Variants in NSMCE2 observed in about 807,000 individuals in gnomAD.
NSMCE2 encodes NSE2 SUMO ligase component of SMC5/6 complex.
A neutral mutation model predicts 23.8 loss-of-function variants in NSMCE2; 24 were observed. The ratio of observed to expected loss-of-function variants is 1.01; its 90% CI spans 0.73 to 1.42. The LOEUF (loss-of-function observed/expected upper bound fraction) is 1.42, where lower values mean the gene tolerates loss of function less well. NSMCE2 is among the 40% of genes most tolerant of loss of function. The pLI is 0.00. For missense variants in NSMCE2, 284 were observed against 296.5 expected, an observed-to-expected ratio of 0.96 and a Z score of 0.31; for synonymous variants, 92 against 94.1, an observed-to-expected ratio of 0.98 and a Z score of 0.13.
At chr8:125,269,610 A>T (rs1248051410) in intron 5 of NSMCE2, among the ~76,000 whole-genome samples, 2 of 152,224 alleles carry the variant, frequency 1.3e-5, no homozygotes, top group Non-Finnish European at 2.9e-5. Context: ...CAATGATCAT[A>T]GCTTTCTACA....
intron 5 of NSMCE2, among the ~76,000 whole-genome samples, chr8:125,305,099 C>T (rs977736565): frequency 1.3e-5 from 2 of 152,036 alleles, no homozygotes; most frequent in Admixed American, 1.3e-4. Context: ...TGAAGGATGT[C>T]TTTATGTTTT....
chr8:125,312,904 G>A (rs1563777609), intron 5 of NSMCE2, among the ~76,000 whole-genome samples: 1 of 152,050 alleles, frequency 6.6e-6, no homozygotes, highest in South Asian at 2.1e-4. Context: ...ACCAGCACGG[G>A]GAGAGCACAG....
chr8:125,307,446 A>G (rs1239535556), intron 5 of NSMCE2, among the ~76,000 whole-genome samples: 1 of 152,230 alleles, frequency 6.6e-6, no homozygotes, highest in Admixed American at 6.5e-5. Context: ...GAACTTTTCC[A>G]TCAGTCCTGT....
intron 5 of NSMCE2, among the ~76,000 whole-genome samples, chr8:125,290,719 G>T (rs950563466): frequency 6.6e-5 from 10 of 152,172 alleles, no homozygotes; most frequent in Admixed American, 1.3e-4. Flanking sequence ...AAATATGGTT[G>T]CCATGGCACA....
intron 5 of NSMCE2, among the ~76,000 whole-genome samples, chr8:125,250,343 G>A (rs1826154852): frequency 6.6e-6 from 1 of 151,342 alleles, no homozygotes; most frequent in African/African-American, 2.4e-5. Context: ...TAAAAAAAAA[G>A]CATCCTTTCA....
chr8:125,333,119 G>T (rs533138710), intron 5 of NSMCE2, among the ~76,000 whole-genome samples: 1 of 151,990 alleles, frequency 6.6e-6, no homozygotes, highest in African/African-American at 2.4e-5. Flanking sequence ...CAGACCTGCC[G>T]AATCAGAATC....
chr8:125,134,237 T>C (rs76728380), intron 3 of NSMCE2, among the ~76,000 whole-genome samples: 126 of 152,378 alleles, frequency 8.3e-4, no homozygotes, highest in Middle Eastern at 3.4e-3. Context: ...CATTATGTTA[T>C]GAAGACTTCT....
intron 1 of NSMCE2, among the ~76,000 whole-genome samples, chr8:125,093,390 T>C (rs546250113): frequency 6.6e-6 from 1 of 152,258 alleles, no homozygotes; most frequent in Non-Finnish European, 1.5e-5. Context: ...TGTGGGCAGA[T>C]AGAAAACTGA....
chr8:125,160,608 C>T (rs189521003), intron 4 of NSMCE2, among the ~76,000 whole-genome samples: 326 of 152,192 alleles, frequency 2.1e-3, no homozygotes, highest in Non-Finnish European at 3.7e-3. Flanking sequence ...TGATAGTCAC[C>T]CTCCCTATGT....
intron 4 of NSMCE2, among the ~76,000 whole-genome samples, chr8:125,175,601 C>T (rs1822447043): frequency 6.6e-6 from 1 of 152,076 alleles, no homozygotes; most frequent in Non-Finnish European, 1.5e-5. Flanking sequence ...ACAGGAATGA[C>T]TAATTTTATA....
At chr8:125,178,818 C>G (rs143619646) in intron 4 of NSMCE2, among the ~76,000 whole-genome samples, 1 of 151,900 alleles carries the variant, frequency 6.6e-6, no homozygotes, top group East Asian at 1.9e-4. Context: ...TGCAGTGAGC[C>G]GAGATCGTGC....
chr8:125,196,852 C>T (rs1823649266), intron 5 of NSMCE2, among the ~76,000 whole-genome samples: 1 of 152,202 alleles, frequency 6.6e-6, no homozygotes. Flanking sequence ...TCCACATCCT[C>T]TCCAGCACCT....
intron 5 of NSMCE2, among the ~76,000 whole-genome samples, chr8:125,283,141 A>G (rs187038035): frequency 6.6e-5 from 10 of 152,240 alleles, no homozygotes; most frequent in African/African-American, 2.4e-4. Flanking sequence ...ATTAAATATG[A>G]CAACCTTCTA....
chr8:125,274,929 CAAAAA>C (rs36192929), intron 5 of NSMCE2, among the ~76,000 whole-genome samples: 2 of 59,866 alleles, frequency 3.3e-5, no homozygotes, highest in African/African-American at 1.0e-4. Context: ...GACTCAGTCT[CAAAAA>C]AAAAAAAAAA....
At chr8:125,254,828 A>T (rs969258313) in intron 5 of NSMCE2, among the ~76,000 whole-genome samples, 8 of 152,190 alleles carry the variant, frequency 5.3e-5, no homozygotes, top group Admixed American at 4.6e-4. Flanking sequence ...TTCAGCAAAC[A>T]AATGCCATGC....
At chr8:125,218,414 G>GTT (rs34237629) in intron 5 of NSMCE2, among the ~76,000 whole-genome samples, 11,594 of 141,472 alleles carry the variant, frequency 0.082, 568 homozygotes, top group Middle Eastern at 0.27. Context: ...AAAATTGAGG[G>GTT]TTTTTTTTTT....
chr8:125,349,448 A>C (rs1440362384), intron 5 of NSMCE2, among the ~76,000 whole-genome samples: 1 of 152,198 alleles, frequency 6.6e-6, no homozygotes, highest in East Asian at 1.9e-4. Flanking sequence ...AAGTGCTTTT[A>C]GGAAAATGTT....
intron 3 of NSMCE2, among the ~76,000 whole-genome samples, chr8:125,114,785 A>G (rs1818917768): frequency 6.6e-6 from 1 of 152,242 alleles, no homozygotes; most frequent in South Asian, 2.1e-4. Context: ...ATACATATAC[A>G]CATACATACA....
intron 5 of NSMCE2, among the ~76,000 whole-genome samples, chr8:125,244,513 A>G (rs1285051291): frequency 6.6e-6 from 1 of 152,204 alleles, no homozygotes; most frequent in East Asian, 1.9e-4. Flanking sequence ...TATGTTGTTA[A>G]AAGACAAGGA....
Sources: gnomAD v4.1 joint callset for allele counts (sites outside exome capture counted in the v4.1 genomes callset) on GRCh38, gnomAD v4.1.1 for gene constraint, MANE v1.5 for transcripts, NCBI Gene and HGNC (gene_info 2026-07-23, HGNC 2026-07-21) for gene names.